Variants in CMIP observed in about 807,000 individuals in gnomAD.
The protein encoded by CMIP is c-Maf inducing protein, also known as C-Maf-inducing protein.
A neutral mutation model predicts 97.3 loss-of-function variants in CMIP; 13 were observed. The observed-to-expected ratio is 0.13, with a 90% CI of 0.09 to 0.21. The LOEUF (loss-of-function observed/expected upper bound fraction) is 0.21, where lower values mean the gene tolerates loss of function less well. CMIP is among the 10% of genes least tolerant of loss of function. CMIP has a pLI of 1.00. For synonymous variants in CMIP, 538 were observed against 436.3 expected (o/e 1.23, Z -2.91); for missense variants, 847 against 1,024.9 (o/e 0.83, Z 2.37).
At chr16:81,583,321 CCT>C (rs1472583574) in intron 1 of CMIP, among the ~76,000 whole-genome samples, 3 of 152,236 alleles carry the variant, frequency 2.0e-5, no homozygotes, top group Non-Finnish European at 2.9e-5. Context: ...GGGCTCCGGG[CCT>C]CTCATACAGC....
chr16:81,686,128 G>A (rs901702441), intron 10 of CMIP, among the ~76,000 whole-genome samples: 12 of 152,206 alleles, frequency 7.9e-5, no homozygotes, highest in African/African-American at 2.9e-4. Flanking sequence ...ACGCATGGGA[G>A]CCCTTGGAGA....
chr16:81,495,565 G>A (rs2150771028), intron 1 of CMIP: 1 of 1,526,724 alleles, frequency 6.5e-7, no homozygotes, highest in South Asian at 1.2e-5. Flanking sequence ...TGCTGCTGCT[G>A]GCCACAGGCC....
chr16:81,495,241 T>C (rs1234553873), intron 1 of CMIP: 3 of 1,270,296 alleles, frequency 2.4e-6, no homozygotes, highest in East Asian at 5.4e-5. Flanking sequence ...AAACAGACAC[T>C]GATGGTCAGA....
chr16:81,556,373 T>A (rs1161709064), intron 1 of CMIP, among the ~76,000 whole-genome samples: 2 of 152,178 alleles, frequency 1.3e-5, no homozygotes, highest in South Asian at 2.1e-4. Flanking sequence ...AAAGTCCCTA[T>A]TTTTAATTCT....
At chr16:81,675,219 T>C (rs1407479143) in intron 9 of CMIP, among the ~76,000 whole-genome samples, 3 of 152,112 alleles carry the variant, frequency 2.0e-5, no homozygotes, top group Non-Finnish European at 4.4e-5. Flanking sequence ...TTTTGGGTTT[T>C]TTTGGAAACA....
chr16:81,681,243 A>C (rs1904845225), intron 10 of CMIP, among the ~76,000 whole-genome samples: 1 of 152,166 alleles, frequency 6.6e-6, no homozygotes, highest in Admixed American at 6.5e-5. Context: ...TTTCCCAACA[A>C]CTTTCCTCCC....
At chr16:81,518,417 A>AT (rs2089957322) in intron 1 of CMIP, 1 of 152,288 alleles carries the variant, frequency 6.6e-6, no homozygotes, top group African/African-American at 2.4e-5. Context: ...GGGGAAGAAC[A>AT]TAGGCTAGGC....
chr16:81,632,806 T>G (rs2048433809), intron 3 of CMIP, among the ~76,000 whole-genome samples: 1 of 152,184 alleles, frequency 6.6e-6, no homozygotes, highest in South Asian at 2.1e-4. Flanking sequence ...CACTCCCCTG[T>G]CCCTGGCCAG....
intron 1 of CMIP, among the ~76,000 whole-genome samples, chr16:81,514,859 C>T (rs184754734): frequency 1.5e-4 from 23 of 152,322 alleles, no homozygotes; most frequent in Non-Finnish European, 1.9e-4. Flanking sequence ...CAGTGTGCGC[C>T]ATGGTGGCTC....
At chr16:81,664,548 T>A in intron 7 of CMIP, 199 bp downstream of exon 7, 1 of 578,698 alleles carries the variant, frequency 1.7e-6, no homozygotes, top group Non-Finnish European at 3.1e-6. Flanking sequence ...ACAGGAAGAA[T>A]CTTTTTGCAG....
chr16:81,706,879 C>A, intron 19 of CMIP, 135 bp from the exon 20 acceptor site: 1 of 719,332 alleles, frequency 1.4e-6, no homozygotes, highest in Admixed American at 2.3e-5. Flanking sequence ...GCTGTGTCTA[C>A]GAAACCTCCC....
intron 5 of CMIP, among the ~76,000 whole-genome samples, chr16:81,659,908 TA>T (rs2092525746): frequency 6.6e-6 from 1 of 152,234 alleles, no homozygotes; most frequent in Admixed American, 6.5e-5. Context: ...TTGTCATTAT[TA>T]TGATGCCTTC....
intron 10 of CMIP, among the ~76,000 whole-genome samples, chr16:81,687,085 T>G (rs1905483735): frequency 6.6e-6 from 1 of 152,188 alleles, no homozygotes; most frequent in African/African-American, 2.4e-5. Flanking sequence ...CTGGTGGCAC[T>G]TGCTAGTCCC....
intron 5 of CMIP, among the ~76,000 whole-genome samples, chr16:81,659,789 C>T (rs571618075): frequency 1.1e-4 from 16 of 152,272 alleles, no homozygotes; most frequent in African/African-American, 1.9e-4. Flanking sequence ...TTGAGCTTCC[C>T]GGCTCAGCAG....
At chr16:81,446,266 G>A (rs1315229298) in intron 1 of CMIP, among the ~76,000 whole-genome samples, 2 of 152,126 alleles carry the variant, frequency 1.3e-5, no homozygotes, top group South Asian at 2.1e-4. Context: ...ATACGTGTGT[G>A]TTTTGTTGCT....
intron 10 of CMIP, among the ~76,000 whole-genome samples, chr16:81,682,620 G>A (rs1393437312): frequency 1.3e-5 from 2 of 152,098 alleles, no homozygotes; most frequent in Non-Finnish European, 2.9e-5. Flanking sequence ...TAAAGAGGAC[G>A]TTGCCAGGCG....
At chr16:81,452,878 TTGTTTTG>T in intron 1 of CMIP, among the ~76,000 whole-genome samples, 1 of 104,702 alleles carries the variant, frequency 9.6e-6, no homozygotes, top group African/African-American at 5.4e-5. Context: ...TGTTTTTTTT[TTGTTTTG>T]TTTTTTTTTT....
chr16:81,479,844 C>T (rs1006544010), intron 1 of CMIP, among the ~76,000 whole-genome samples: 12 of 152,266 alleles, frequency 7.9e-5, no homozygotes, highest in Admixed American at 6.5e-4. Context: ...ATTTGATTTG[C>T]ATTTGCATAT....
chr16:81,612,777 C>T (rs1326997707), intron 2 of CMIP, among the ~76,000 whole-genome samples: 1 of 152,194 alleles, frequency 6.6e-6, no homozygotes, highest in Non-Finnish European at 1.5e-5. Flanking sequence ...GACTTGGGGT[C>T]TGGCTGGGGA....
Sources: allele counts gnomAD v4.1 joint callset (sites outside exome capture counted in the v4.1 genomes callset), GRCh38; gene constraint gnomAD v4.1.1; transcripts MANE v1.5; gene names NCBI Gene and HGNC (gene_info 2026-07-23, HGNC 2026-07-21).